The following UGT2A1 variants were observed in gnomAD, a reference collection of about 807,000 sequenced individuals.
The protein encoded by UGT2A1 is UDP-glucuronosyltransferase 2A1.
Under a neutral mutation model 45.4 loss-of-function variants are expected in UGT2A1, and 61 were observed. The observed-to-expected ratio is 1.34, with a 90% CI of 1.09 to 1.66. The LOEUF (loss-of-function observed/expected upper bound fraction) is 1.66, where lower values mean the gene tolerates loss of function less well. Ranked by LOEUF, UGT2A1 falls within the 40% of genes most tolerant of loss-of-function variation. UGT2A1 has a pLI of 0.00. For synonymous variants in UGT2A1, 229 were observed against 196.2 expected, an observed-to-expected ratio of 1.17 and a Z score of -1.40; for missense variants, 649 against 574.3, an observed-to-expected ratio of 1.13 and a Z score of -1.33.
chr4:69,625,257 G>A (rs1300617509), intron 3 of UGT2A1, among the ~76,000 whole-genome samples: 1 of 150,360 alleles, frequency 6.7e-6, no homozygotes, highest in African/African-American at 2.4e-5. Context: ...TGATTATGAT[G>A]TGATAGAGGC....
intron 2 of UGT2A1, among the ~76,000 whole-genome samples, chr4:69,646,060 G>A (rs1047127839): frequency 2.0e-5 from 3 of 151,610 alleles, no homozygotes; most frequent in Admixed American, 1.3e-4. Flanking sequence ...TTTGTATTTT[G>A]TATATATTTC....
intron 1 of UGT2A1, among the ~76,000 whole-genome samples, chr4:69,651,583 A>C (rs1029752373): frequency 6.6e-6 from 1 of 152,324 alleles, no homozygotes; most frequent in South Asian, 2.1e-4. Context: ...GATAGGCATT[A>C]GGAATGTCAG....
At chr4:69,638,845 A>G (rs1190699643) in intron 2 of UGT2A1, 3 of 1,467,382 alleles carry the variant, frequency 2.0e-6, no homozygotes, top group East Asian at 2.4e-5. Context: ...CCATATGACA[A>G]TAAGAATAAA....
rs780154181 is a variant in UGT2A1, at chr4:69,594,692, A to G, written c.1089T>C (p.His363=). 1.2e-6 allele frequency: 2 copies of G among 1,613,214 alleles called. No homozygotes were observed. The highest frequency in any genetic ancestry group is 2.2e-5 in the South Asian group (2 of 91,004). The change falls in exon 6 of 7, where the codon CAT becomes CAC. Residue 363 remains histidine, a synonymous_variant. Coordinates refer to ENST00000286604, the MANE Select transcript of UGT2A1 (RefSeq NM_001252275.3). Reference sequence around the variant, plus strand: ...GAGTGATAAAAGCTTTGGTTTTGGGATGTCCTAATTTGAGGATGGAGTGAG... The same window carrying G: ...GAGTGATAAAAGCTTTGGTTTTGGGGTGTCCTAATTTGAGGATGGAGTGAG... The part of the protein sequence containing the change: ...DWIPQNDLLG[H]PKTKAFITHG...
chr4:69,624,504 CT>C (rs980523286), intron 3 of UGT2A1, among the ~76,000 whole-genome samples: 1 of 151,262 alleles, frequency 6.6e-6, no homozygotes, highest in African/African-American at 2.4e-5. Context: ...CATTTTGCTA[CT>C]TTTTTTAAGT....
intron 3 of UGT2A1, among the ~76,000 whole-genome samples, chr4:69,613,127 A>G (rs1045012717): frequency 5.3e-5 from 8 of 152,034 alleles, no homozygotes; most frequent in African/African-American, 1.9e-4. Context: ...ATACGAAAAA[A>G]TGTGCATTAT....
rs570549689 is a variant in UGT2A1 at position 69,589,642 on chromosome 4, C to A, written c.1314G>T (p.Glu438Asp). 6.2e-7 allele frequency: 1 copy of A among 1,601,642 alleles called. No individual in the cohort carries two copies. Among genetic ancestry groups the A allele is most frequent in the African/African-American group, 1.3e-5 (1 of 74,508 alleles). The change falls in exon 7 of 7, where the codon GAG becomes GAT. Residue 438 changes from glutamate to aspartate, a missense_variant. Glu to Asp is a conservative substitution (Grantham distance 45, BLOSUM62 2). Transcript: ENST00000286604. ...GAATTCTTGATAACCTCATAGCATT[C>A]TCTTTATAACTAGAAGACAAATAAA... ...RTVINEPSYK[E>D]NAMRLSRIHH...
intron 3 of UGT2A1, among the ~76,000 whole-genome samples, chr4:69,617,924 A>G (rs1455992995): frequency 2.0e-5 from 3 of 151,940 alleles, no homozygotes; most frequent in Admixed American, 6.6e-5. Flanking sequence ...AACAACAAAA[A>G]TGAAAAACAA....
intron 2 of UGT2A1, among the ~76,000 whole-genome samples, chr4:69,645,825 C>T (rs997647187): frequency 6.6e-6 from 1 of 151,884 alleles, no homozygotes; most frequent in Non-Finnish European, 1.5e-5. Flanking sequence ...TCCTCCATGT[C>T]TCCCTACCTT....
chr4:69,615,494 T>C (rs1720325283), intron 3 of UGT2A1, among the ~76,000 whole-genome samples: 2 of 152,064 alleles, frequency 1.3e-5, no homozygotes, highest in East Asian at 1.9e-4. Context: ...GATTGATAAG[T>C]AGAATATATC....
intron 3 of UGT2A1, 141 bp from the exon 4 acceptor site, chr4:69,599,535 A>G: frequency 1.7e-6 from 2 of 1,187,042 alleles, no homozygotes; most frequent in South Asian, 4.0e-5. Context: ...ATGTTTATAT[A>G]TTAAGAAGAA....
At position 69,599,249 on chromosome 4, in the gene UGT2A1, A is replaced by G; in HGVS notation, c.993T>C (p.Pro331=). The G allele has an allele frequency of 6.2e-7, 1 of 1,613,230 alleles. No individual in the cohort carries two copies. Among genetic ancestry groups the G allele is most frequent in the East Asian group, 2.2e-5 (1 of 44,836 alleles). Residue 331 remains proline, a synonymous_variant, in exon 4 of 7, where the codon CCT becomes CCC. Transcript: ENST00000286604. ...GLHCKPAKPL[P]KVLWRYKGKK... ...TCCTCCACTGTTGTAGACCTACCTT[A>G]GGTAAAGGTTTGGCAGGTTTGCAGT...
At chr4:69,649,709 G>A (rs1722435111) in intron 1 of UGT2A1, among the ~76,000 whole-genome samples, 1 of 152,086 alleles carries the variant, frequency 6.6e-6, no homozygotes, top group Admixed American at 6.6e-5. Flanking sequence ...TATACATGCT[G>A]TGGGCTTCAG....
At chr4:69,626,664 G>A (rs1721076144) in intron 3 of UGT2A1, among the ~76,000 whole-genome samples, 1 of 130,396 alleles carries the variant, frequency 7.7e-6, no homozygotes, top group Admixed American at 7.3e-5. Flanking sequence ...AAAATACAAT[G>A]TTACTACTAA....
At chr4:69,634,160 G>A (rs1312126231) in intron 3 of UGT2A1, among the ~76,000 whole-genome samples, 1 of 152,022 alleles carries the variant, frequency 6.6e-6, no homozygotes, top group African/African-American at 2.4e-5. Context: ...CAGGAGAATG[G>A]CGTGAACCCG....
At chr4:69,596,393 A>T in intron 4 of UGT2A1, 1 of 1,555,970 alleles carries the variant, frequency 6.4e-7, no homozygotes, top group Non-Finnish European at 8.7e-7. Flanking sequence ...TGCATACATA[A>T]TATATTTTCT....
chr4:69,594,444 G>A, intron 6 of UGT2A1, 33 bp downstream of exon 6: 2 of 1,605,296 alleles, frequency 1.2e-6, no homozygotes, highest in Non-Finnish European at 1.7e-6. Flanking sequence ...TGTAATTAAA[G>A]TTAGGCAAGT....
chr4:69,626,331 T>A (rs1721057945), intron 3 of UGT2A1, among the ~76,000 whole-genome samples: 1 of 151,514 alleles, frequency 6.6e-6, no homozygotes, highest in South Asian at 2.1e-4. Flanking sequence ...TTGGATGATG[T>A]TTGGAGACCT....
At chr4:69,639,469 TG>T (rs1721930319) in intron 2 of UGT2A1, 1 of 1,613,054 alleles carries the variant, frequency 6.2e-7, no homozygotes, top group African/African-American at 1.3e-5. Flanking sequence ...ACAGTCACAT[TG>T]TGATTTCTTT....
Sources: allele counts gnomAD v4.1 joint callset (sites outside exome capture counted in the v4.1 genomes callset), GRCh38; gene constraint gnomAD v4.1.1; transcripts MANE v1.5; gene names NCBI Gene and HGNC (gene_info 2026-07-23, HGNC 2026-07-21).